ERCC2: variants seen among roughly 807,000 people sequenced by gnomAD.
The protein encoded by ERCC2 is general transcription and DNA repair factor IIH helicase subunit XPD.
ERCC2 carries 90 observed loss-of-function variants against 99.4 expected under a neutral mutation model. The ratio of observed to expected loss-of-function variants is 0.91; its 90% CI spans 0.76 to 1.08. The LOEUF is 1.08. Ranked by LOEUF, ERCC2 falls within the 50% of genes least tolerant of loss-of-function variation. ERCC2 has a pLI of 0.00. For missense variants in ERCC2, 993 were observed against 1,038.1 expected (o/e 0.96, Z 0.60); for synonymous variants, 497 against 432.4 (o/e 1.15, Z -1.85).
Position 45,351,097 on chromosome 19 carries a change from C to G in ERCC2, c.*532G>C. 6.2e-7 allele frequency: 1 copy of G among 1,610,408 alleles called. No individual in the cohort carries two copies. The highest frequency in any genetic ancestry group is 8.5e-7 in the Non-Finnish European group (1 of 1,178,204). ...ATGAGGCAAAGGCAGGGCGGTCGGG[C>G]CAGTGGTGGAGTCAGCAGGTGGTGG... is the stretch of plus-strand genomic sequence containing the variant. On this transcript the variant is annotated 3_prime_UTR_variant, in exon 23 of 23. Coordinates refer to ENST00000391945, the MANE Select transcript of ERCC2 (RefSeq NM_000400.4).
Position 45,352,220 on chromosome 19 carries a change from G to T in ERCC2, c.2179C>A (p.Pro727Thr), listed in dbSNP as rs1568531156. 1.9e-6 allele frequency: 3 copies of T among 1,613,912 alleles called. No individual in the cohort carries two copies. The highest frequency in any genetic ancestry group is 2.5e-6 in the Non-Finnish European group (3 of 1,179,982). ...AKYFLRQMAQ[P>T]FHREDQLGLS... ...GACGCAGGCCTCACCCGGTGGAAGG[G>T]CTGTGCCATCTGCCGCAGGAAGTAC... The change falls in exon 22 of 23, where the codon CCC (proline) becomes ACC (threonine). Residue 727 changes from proline (P) to threonine (T), a missense_variant. Pro to Thr is a conservative substitution (Grantham distance 38). Coordinates refer to ENST00000391945, the MANE Select transcript of ERCC2 (RefSeq NM_000400.4).
At position 45,350,361 on chromosome 19, in the gene ERCC2, G is replaced by A. The variant is rs755453083; in HGVS notation, c.*1268C>T. The A allele has an allele frequency of 1.4e-5, 22 of 1,613,218 alleles. No individual in the cohort carries two copies. In the African/African-American group the frequency reaches 2.8e-4, roughly 21 times the overall value. ...CGCAGGCCTCAGCCTACCTGAAACA[G>A]AACAAGTATCAACAAGCGGAAGAGC... On this transcript the variant is annotated 3_prime_UTR_variant, in exon 23 of 23. Coordinates refer to ENST00000391945, the MANE Select transcript of ERCC2 (RefSeq NM_000400.4).
chr19:45,352,757 G>A lies in ERCC2; in HGVS notation c.1891C>T (p.Arg631Cys), dbSNP rs144511865. The change falls in exon 20 of 23, where the codon CGC becomes TGC. Residue 631 changes from arginine (R) to cysteine (C), a missense_variant. Transcript: ENST00000391945. ...FGVPYVYTQS[R>C]ILKARLEYLR... ...ACAGAGCTACTCACCTTGAGAATGC[G>A]GCTCTGTGTGTAGACGTAGGGGACG... 4.3e-5 allele frequency: 70 copies of A among 1,613,944 alleles called. No individual in the cohort carries two copies. Among genetic ancestry groups the A allele is most frequent in the East Asian group, 1.1e-4 (5 of 44,878 alleles).
In ERCC2 at chr19:45,363,970, G is replaced by T. The variant is rs1334905469; in HGVS notation, c.949+16C>A. 1 of 1,538,424 alleles carries T rather than the reference G, an allele frequency of 6.5e-7. No homozygotes were observed. Among genetic ancestry groups the T allele is most frequent in the Non-Finnish European group, 8.7e-7 (1 of 1,146,854 alleles). ...GCGGGAAAGGGACTGGGGGGCAGCG[G>T]GGGGTCGGGGCTCACCCTGCAGCAC... On this transcript the variant is annotated intron_variant, in intron 10 of 22. Coordinates refer to ENST00000391945, the MANE Select transcript of ERCC2 (RefSeq NM_000400.4).
At chr19:45,352,112 A>G (rs1971819775) in intron 22 of ERCC2, 97 bp downstream of exon 22, 1 of 1,362,492 alleles carries the variant, frequency 7.3e-7, no homozygotes, top group East Asian at 2.4e-5. Context: ...GCAGGAGGAC[A>G]GGCAGGCTGA....
chr19:45,360,248 CTTT>C (rs1326882123), intron 12 of ERCC2, among the ~76,000 whole-genome samples: 1 of 151,090 alleles, frequency 6.6e-6, no homozygotes, highest in African/African-American at 2.4e-5. Context: ...GCCCAGCTAA[CTTT>C]TTTTGTATTT....
rs1026764012 is a variant in ERCC2 at position 45,370,547 on chromosome 19, G to A, written c.-7C>T. Reference sequence around the variant, plus strand: ...AGCCCCCTTCTCACTTCATGGCGCCGGCCGGACTGTGCAGCGGGGTCGACC... The same window carrying A: ...AGCCCCCTTCTCACTTCATGGCGCCAGCCGGACTGTGCAGCGGGGTCGACC... On this transcript the variant is annotated 5_prime_UTR_variant, in exon 1 of 23. Coordinates refer to ENST00000391945, the MANE Select transcript of ERCC2 (RefSeq NM_000400.4). 2.5e-6 allele frequency: 4 copies of A among 1,568,750 alleles called. No individual in the cohort carries two copies. The highest frequency in any genetic ancestry group is 2.6e-6 in the Non-Finnish European group (3 of 1,160,082).
intron 12 of ERCC2, chr19:45,358,190 T>C (rs756881214): frequency 6.1e-5 from 14 of 229,894 alleles, no homozygotes; most frequent in Non-Finnish European, 1.1e-4. Flanking sequence ...GCTGGGATTA[T>C]AGGGACACCC....
At chr19:45,367,300 A>G (rs1371066982) in intron 5 of ERCC2, among the ~76,000 whole-genome samples, 2 of 151,810 alleles carry the variant, frequency 1.3e-5, no homozygotes, top group Non-Finnish European at 2.9e-5. Context: ...ACTCCCCTGC[A>G]CTCCAGGCTG....
At chr19:45,359,210 G>A (rs1306208290) in intron 12 of ERCC2, among the ~76,000 whole-genome samples, 1 of 152,162 alleles carries the variant, frequency 6.6e-6, no homozygotes, top group Admixed American at 6.5e-5. Flanking sequence ...TGAGGGGGAG[G>A]TGGTTGGGGG....
In ERCC2 at chr19:45,363,818, T is replaced by C; in HGVS notation, c.1043A>G (p.His348Arg). 6.5e-7 allele frequency: 1 copy of C among 1,541,382 alleles called. No individual in the cohort carries two copies. Among genetic ancestry groups the C allele is most frequent in the Non-Finnish European group, 8.7e-7 (1 of 1,149,906 alleles). The change falls in exon 11 of 23, where the codon CAT becomes CGT. Residue 348 changes from histidine to arginine, a missense_variant. This residue lies in a region of ERCC2 where 909 missense variants were observed against 930.8 expected (regional missense o/e 0.98). Coordinates refer to ENST00000391945, the MANE Select transcript of ERCC2 (RefSeq NM_000400.4). Reference protein sequence around the residue: ...EYVKWRLRVQHVVQESPPAFL... With the variant: ...EYVKWRLRVQRVVQESPPAFL... ...GGCGGGCGGGCTCTCCTGCACCACA[T>C]GCTGCACACGCAGCCGCCACTTCAC...
chr19:45,363,913 T>C lies in ERCC2; in HGVS notation c.950-2A>G. 1 of 1,542,946 alleles carries C rather than the reference T, an allele frequency of 6.5e-7. No homozygotes were observed. Among genetic ancestry groups the C allele is most frequent in the Non-Finnish European group, 8.7e-7 (1 of 1,150,928 alleles). On this transcript the variant is annotated splice_acceptor_variant, in intron 10 of 22. Transcript: ENST00000391945. LOFTEE classifies it high-confidence loss of function. The stretch of plus-strand genomic sequence containing the variant: ...TGCGGATGGAGCCAGGCACTGCCTC[T>C]GCGAGGAGACGCTATCAGCGGCGAC...
intron 12 of ERCC2, chr19:45,358,827 G>A (rs373281417): frequency 1.3e-5 from 10 of 780,598 alleles, no homozygotes; most frequent in Non-Finnish European, 2.4e-5. Flanking sequence ...CTTTGCTACT[G>A]GTTTTCCCAT....
rs1048488855 is a variant in ERCC2, at chr19:45,351,448, C to T, written c.*181G>A. ...GAGAGGGGGTCTATCATCTCCTGGC[C>T]CCCCCTTGCCTCTGGGTACCTGGTG... is the stretch of plus-strand genomic sequence containing the variant. On this transcript the variant is annotated 3_prime_UTR_variant, in exon 23 of 23. Coordinates refer to ENST00000391945, the MANE Select transcript of ERCC2 (RefSeq NM_000400.4). 1 of 1,582,468 alleles carries T rather than the reference C, an allele frequency of 6.3e-7. No individual in the cohort carries two copies. The highest frequency in any genetic ancestry group is 8.6e-7 in the Non-Finnish European group (1 of 1,167,770).
Position 45,354,742 on chromosome 19 carries a change from G to C in ERCC2, c.1653C>G (p.Ser551=), listed in dbSNP as rs1971954047. 1 of 1,614,012 alleles carries C rather than the reference G, an allele frequency of 6.2e-7. No individual in the cohort carries two copies. The highest frequency in any genetic ancestry group is 2.2e-5 in the East Asian group (1 of 44,886). The part of the protein sequence containing the change: ...SYQYMESTVA[S]WYEQGILENI... Reference sequence around the variant, plus strand: ...TGGCCAGGCGTACCTGCTCATACCAGGAGGCCACGGTGCTCTCCATGTACT... The same window carrying C: ...TGGCCAGGCGTACCTGCTCATACCACGAGGCCACGGTGCTCTCCATGTACT... Residue 551 remains serine, a synonymous_variant, in exon 17 of 23, where the codon TCC becomes TCG. Coordinates refer to ENST00000391945, the MANE Select transcript of ERCC2 (RefSeq NM_000400.4).
chr19:45,357,592 C>CCACAGAGCA (rs1478260839), intron 13 of ERCC2, 38 bp downstream of exon 13: 33 of 1,613,772 alleles, frequency 2.0e-5, no homozygotes, highest in Middle Eastern at 1.6e-4. Flanking sequence ...GGCCCCCGAC[C>CCACAGAGCA]CACAGAGCAT....
intron 17 of ERCC2, 40 bp from the exon 18 acceptor site, chr19:45,353,374 A>C (rs1971895288): frequency 7.1e-7 from 1 of 1,416,636 alleles, no homozygotes; most frequent in African/African-American, 1.4e-5. Flanking sequence ...GGTTCAGGGC[A>C]CAGCCATCCT....
Position 45,364,515 on chromosome 19 carries a change from G to A in ERCC2, c.627C>T (p.Tyr209=), listed in dbSNP as rs1972353910. Residue 209 remains tyrosine, a synonymous_variant, in exon 8 of 23, where the codon TAC becomes TAT. Coordinates refer to ENST00000391945, the MANE Select transcript of ERCC2 (RefSeq NM_000400.4). ...CAATCTTGGGGTCCAGGAGGTAGTG[G>A]TAGCTATAAACCACCACATTGGCAT... The part of the protein sequence containing the change: ...ILHANVVVYS[Y]HYLLDPKIAD... 3 of 1,613,758 alleles carry A rather than the reference G, an allele frequency of 1.9e-6. No homozygotes were observed. The South Asian group carries it at 3.3e-5, about 18-fold the overall frequency.
chr19:45,355,814 CT>C lies in ERCC2; in HGVS notation c.1480-87del, dbSNP rs35665496. ...GACCACCTGCTGGTGCTGTTCTAAG[CT>C]TTTTTTTTTTTTTTTTTTAAAGAGA... On this transcript the variant is annotated intron_variant, in intron 15 of 22. Coordinates refer to ENST00000391945, the MANE Select transcript of ERCC2 (RefSeq NM_000400.4). 249,532 of 663,780 alleles carry C rather than the reference CT, an allele frequency of 0.38. 16,839 individuals carry two copies. The highest frequency in any genetic ancestry group is 0.68 in the African/African-American group (32,823 of 48,298). 41.1% of individuals were successfully genotyped at this position (663,780 alleles called of 1,614,324 possible).
Sources: gnomAD v4.1 joint callset for allele counts (sites outside exome capture counted in the v4.1 genomes callset) on GRCh38, gnomAD v4.1.1 for gene constraint, gnomAD v4.1.1 regional missense constraint, MANE v1.5 for transcripts, NCBI Gene and HGNC (gene_info 2026-07-23, HGNC 2026-07-21) for gene names.